The following CDYL2 variants were observed in gnomAD, a reference collection of about 807,000 sequenced individuals.
The protein encoded by CDYL2 is chromodomain Y-like protein 2.
CDYL2 carries 23 observed loss-of-function variants against 49.4 expected under a neutral mutation model. That is an observed-to-expected ratio of 0.47 (90% CI 0.34 to 0.66). The LOEUF (loss-of-function observed/expected upper bound fraction) is 0.66, where lower values mean the gene tolerates loss of function less well. Among genes scored for constraint, CDYL2 ranks in the 30% least tolerant of loss-of-function variants. The pLI is 0.01. For synonymous variants in CDYL2, 360 were observed against 268.8 expected (o/e 1.34, Z -3.32); for missense variants, 678 against 656.4 (o/e 1.03, Z -0.36).
intron 1 of CDYL2, among the ~76,000 whole-genome samples, chr16:80,784,991 T>G (rs757177590): frequency 3.2e-4 from 49 of 152,116 alleles, no homozygotes; most frequent in Middle Eastern, 6.8e-3. Flanking sequence ...AAAGAGTCAG[T>G]AAGTTTGGTA....
intron 2 of CDYL2, among the ~76,000 whole-genome samples, chr16:80,648,202 G>C (rs1908434098): frequency 6.6e-6 from 1 of 151,950 alleles, no homozygotes. Flanking sequence ...AAATACAAAA[G>C]ATGAATGAAT....
chr16:80,657,571 C>T (rs928098290), intron 2 of CDYL2, among the ~76,000 whole-genome samples: 2 of 152,178 alleles, frequency 1.3e-5, no homozygotes, highest in African/African-American at 4.8e-5. Context: ...AAACTCATAA[C>T]AAAGAAAATT....
intron 2 of CDYL2, among the ~76,000 whole-genome samples, chr16:80,659,051 TGATGGATGGATGGATG>T (rs57221086): frequency 0.037 from 5,587 of 149,944 alleles, 167 homozygotes; most frequent in Non-Finnish European, 0.048. Flanking sequence ...ACGATAGAGG[TGATGGATGGATGGATG>T]GATGGATGGA....
At chr16:80,765,184 AT>A (rs1401089148) in intron 1 of CDYL2, among the ~76,000 whole-genome samples, 5 of 146,886 alleles carry the variant, frequency 3.4e-5, no homozygotes, top group African/African-American at 9.9e-5. Context: ...TTATATAATA[AT>A]ATACTGGTTA....
intron 2 of CDYL2, among the ~76,000 whole-genome samples, chr16:80,635,573 C>T (rs184319290): frequency 1.4e-3 from 213 of 152,252 alleles, no homozygotes; most frequent in African/African-American, 4.9e-3. Flanking sequence ...AGGACACAAA[C>T]AAATGGAAAA....
Position 80,620,841 on chromosome 16 carries a change from C to A in CDYL2, c.929G>T (p.Gly310Val). ...GCCAATTAGGTAGGAATAATCCAGG[C>A]CGCTGCAGAACACGCTCCCCACTGC... The part of the protein sequence containing the change: ...LSAVGSVFCS[G>V]LDYSYLIGRL... The change falls in exon 4 of 7, where the codon GGC becomes GTC. Residue 310 changes from glycine to valine, a missense_variant. Physicochemically the swap from Gly to Val is moderately radical, Grantham distance 109. This residue lies in a region of CDYL2 where 478 missense variants were observed against 427.0 expected (regional missense o/e 1.12). Coordinates refer to ENST00000570137, the MANE Select transcript of CDYL2 (RefSeq NM_152342.4). 2 of 1,613,592 alleles carry A rather than the reference C, an allele frequency of 1.2e-6. No individual in the cohort carries two copies. The highest frequency in any genetic ancestry group is 8.5e-7 in the Non-Finnish European group (1 of 1,179,610).
At chr16:80,692,792 G>C (rs1283140880) in intron 1 of CDYL2, among the ~76,000 whole-genome samples, 2 of 152,186 alleles carry the variant, frequency 1.3e-5, no homozygotes, top group Non-Finnish European at 2.9e-5. Context: ...AATGATGTCT[G>C]CCTTTATCAC....
chr16:80,761,445 TA>T (rs1266031798), intron 1 of CDYL2, among the ~76,000 whole-genome samples: 1 of 152,192 alleles, frequency 6.6e-6, no homozygotes, highest in Non-Finnish European at 1.5e-5. Flanking sequence ...TGACGTCTAG[TA>T]AAAGTGCCCC....
At chr16:80,693,628 T>C (rs989961638) in intron 1 of CDYL2, among the ~76,000 whole-genome samples, 1 of 152,188 alleles carries the variant, frequency 6.6e-6, no homozygotes, top group African/African-American at 2.4e-5. Flanking sequence ...TATTACTTGG[T>C]ACAGCAACAT....
At position 80,612,534 on chromosome 16, in the gene CDYL2, C is replaced by T; in HGVS notation, c.1218+92G>A. 1 of 1,293,428 alleles carries T rather than the reference C, an allele frequency of 7.7e-7. No individual in the cohort carries two copies. The highest frequency in any genetic ancestry group is 1.1e-6 in the Non-Finnish European group (1 of 935,920). The allele number at this position is 1,293,428 out of a possible 1,614,324, so 80.1% of individuals were successfully genotyped here. ...AAGCCAATCTGCAGGCTGACAACAC[C>T]CTCAGGTTTCTAGCCCCATGAAGAG... On this transcript the variant is annotated intron_variant, in intron 5 of 6. Transcript: ENST00000570137. This position sits in a 1 kb window ranked among gnomAD's most constrained non-coding sequence, Gnocchi z 5.0.
intron 1 of CDYL2, among the ~76,000 whole-genome samples, chr16:80,775,372 TTAAA>T (rs1907047123): frequency 6.6e-6 from 1 of 151,828 alleles, no homozygotes; most frequent in African/African-American, 2.4e-5. Flanking sequence ...TATATACAGT[TTAAA>T]TAATTAAATT....
At chr16:80,743,436 A>G (rs964388975) in intron 1 of CDYL2, among the ~76,000 whole-genome samples, 9 of 152,238 alleles carry the variant, frequency 5.9e-5, no homozygotes, top group African/African-American at 1.9e-4. Context: ...AAAGCCCCAC[A>G]GCTGTCTGCA....
At chr16:80,649,767 T>C (rs1204199063) in intron 2 of CDYL2, among the ~76,000 whole-genome samples, 1 of 151,874 alleles carries the variant, frequency 6.6e-6, no homozygotes, top group African/African-American at 2.4e-5. Flanking sequence ...TAAAAACAGA[T>C]ACAGAGATGA....
At chr16:80,629,226 C>A (rs558591808) in intron 3 of CDYL2, among the ~76,000 whole-genome samples, 1 of 152,196 alleles carries the variant, frequency 6.6e-6, no homozygotes, top group African/African-American at 2.4e-5. Flanking sequence ...GATCATTCTG[C>A]CTGCCTTATG....
chr16:80,617,417 C>T (rs1906880222), intron 4 of CDYL2, among the ~76,000 whole-genome samples: 1 of 152,230 alleles, frequency 6.6e-6, no homozygotes, highest in Non-Finnish European at 1.5e-5. Context: ...TATGCTAATA[C>T]ACCTAGAAAG....
chr16:80,740,186 T>C (rs1905685889), intron 1 of CDYL2, among the ~76,000 whole-genome samples: 1 of 152,214 alleles, frequency 6.6e-6, no homozygotes, highest in South Asian at 2.1e-4. Flanking sequence ...CTCTGTGGAA[T>C]GAGCACGTCC....
chr16:80,779,920 T>C (rs1907208161), intron 1 of CDYL2, among the ~76,000 whole-genome samples: 1 of 152,178 alleles, frequency 6.6e-6, no homozygotes, highest in African/African-American at 2.4e-5. Context: ...AGTGAACATG[T>C]ATCTGCTTTA....
intron 3 of CDYL2, 77 bp downstream of exon 3, chr16:80,632,942 G>C (rs536432427): frequency 4.3e-6 from 6 of 1,408,230 alleles, no homozygotes; most frequent in East Asian, 2.3e-5. Flanking sequence ...TGGAAGGAAG[G>C]AGAAAGCCAA....
chr16:80,626,006 A>G (rs951624379), intron 3 of CDYL2, among the ~76,000 whole-genome samples: 3 of 152,156 alleles, frequency 2.0e-5, no homozygotes, highest in Non-Finnish European at 4.4e-5. Context: ...AATAATAACC[A>G]GCAAAGAAAT....
Sources: allele counts gnomAD v4.1 joint callset (sites outside exome capture counted in the v4.1 genomes callset), GRCh38; gene constraint gnomAD v4.1.1; regional missense constraint gnomAD v4.1.1; non-coding constraint Gnocchi (gnomAD v3.1); transcripts MANE v1.5; gene names NCBI Gene and HGNC (gene_info 2026-07-23, HGNC 2026-07-21).